NRXN3: variants seen among roughly 807,000 people sequenced by gnomAD.
NRXN3 encodes the protein neurexin 3.
NRXN3 carries 32 observed loss-of-function variants against 137.6 expected under a neutral mutation model. The observed-to-expected ratio is 0.23, with a 90% CI of 0.18 to 0.31. NRXN3 has a LOEUF of 0.31. Among genes scored for constraint, NRXN3 ranks in the 10% least tolerant of loss-of-function variants. The probability of loss-of-function intolerance (pLI) is 1.00; values close to 1 mark genes in which losing one functional copy is unlikely to be tolerated. For synonymous variants in NRXN3, 798 were observed against 784.5 expected (o/e 1.02, Z -0.29); for missense variants, 1,574 against 2,062.5 (o/e 0.76, Z 4.59).
intron 4 of NRXN3, among the ~76,000 whole-genome samples, chr14:78,517,455 G>T (rs1295406016): frequency 3.3e-5 from 5 of 152,068 alleles, no homozygotes. Context: ...TACAGAGATG[G>T]ATTTTTAAGT....
chr14:79,660,585 G>A (rs186729755), intron 16 of NRXN3, among the ~76,000 whole-genome samples: 110 of 152,200 alleles, frequency 7.2e-4, no homozygotes, highest in Non-Finnish European at 1.2e-3. Context: ...CAGAAAATCT[G>A]CCCAAGAATA....
At chr14:78,188,561 T>C (rs1007874243) in intron 1 of NRXN3, among the ~76,000 whole-genome samples, 13 of 152,182 alleles carry the variant, frequency 8.5e-5, no homozygotes, top group African/African-American at 2.9e-4. Context: ...ATTGCAGATC[T>C]TGTAAGTAGG....
At chr14:78,820,759 G>A (rs215946) in intron 10 of NRXN3, among the ~76,000 whole-genome samples, 143,512 of 152,214 alleles carry the variant, frequency 0.94, 67,948 homozygotes, top group Non-Finnish European at 0.99. Context: ...AATAATCTAA[G>A]TGTCCTTCCT....
In NRXN3 at chr14:79,189,215, T is replaced by C. The variant is rs1374399459; in HGVS notation, c.3262+201074T>C. On this transcript the variant is annotated intron_variant, in intron 15 of 20. Transcript: ENST00000335750. ...TGGAATACTATGCAGCCATAAAAAA[T>C]GATGAGTTCACGTCCTTTGTAGGGA... Among the ~76,000 whole-genome samples the C allele has an allele frequency of 5.3e-5, 8 of 152,030 alleles. No individual in the cohort carries two copies. The South Asian group carries it at 1.2e-3, about 24-fold the overall frequency.
chr14:79,361,082 G>C (rs1489805507), intron 15 of NRXN3, among the ~76,000 whole-genome samples: 3 of 152,144 alleles, frequency 2.0e-5, no homozygotes, highest in African/African-American at 7.2e-5. Context: ...TTCTCTGAAG[G>C]GTAATTCGAG....
intron 16 of NRXN3, among the ~76,000 whole-genome samples, chr14:79,496,961 A>T (rs1279861492): frequency 6.6e-6 from 1 of 152,172 alleles, no homozygotes. Flanking sequence ...TGCGGGTATT[A>T]ATCCATTTAC....
intron 15 of NRXN3, among the ~76,000 whole-genome samples, chr14:79,173,961 C>T (rs1366684757): frequency 2.0e-5 from 3 of 152,170 alleles, no homozygotes; most frequent in Non-Finnish European, 4.4e-5. Flanking sequence ...GAAGTCTCTT[C>T]TAGTAAATTA....
At position 78,659,312 on chromosome 14, in the gene NRXN3, C is replaced by A. The variant is rs573199764; in HGVS notation, c.1221+7986C>A. Among the ~76,000 whole-genome samples, 25 of 152,102 alleles carry A rather than the reference C, an allele frequency of 1.6e-4. No homozygotes were observed. The South Asian group carries it at 2.7e-3, about 16-fold the overall frequency. The stretch of plus-strand genomic sequence containing the variant: ...GAAAATAAGTTTCGGTAAAGTCAAC[C>A]AGTCTGTGGTATTTTGTTATGGCAG... On this transcript the variant is annotated intron_variant, in intron 6 of 20. Coordinates refer to ENST00000335750, the MANE Select transcript of NRXN3 (RefSeq NM_001330195.2).
chr14:78,304,347 T>C (rs2077155757), intron 4 of NRXN3, among the ~76,000 whole-genome samples: 1 of 152,226 alleles, frequency 6.6e-6, no homozygotes, highest in Non-Finnish European at 1.5e-5. Flanking sequence ...GTCATTCTTT[T>C]AAAGCTGAAT....
At chr14:78,887,186 A>G (rs148780033) in intron 10 of NRXN3, among the ~76,000 whole-genome samples, 2 of 152,216 alleles carry the variant, frequency 1.3e-5, no homozygotes, top group East Asian at 3.9e-4. Context: ...CATCAGCCCT[A>G]TTAGATATTT....
chr14:79,325,374 C>T (rs774240106), intron 15 of NRXN3, among the ~76,000 whole-genome samples: 17 of 152,116 alleles, frequency 1.1e-4, no homozygotes, highest in Non-Finnish European at 1.5e-4. Context: ...TGGCCACTCC[C>T]GATGCTACAT....
At chr14:78,421,261 CA>C (rs34046580) in intron 4 of NRXN3, among the ~76,000 whole-genome samples, 59,300 of 115,738 alleles carry the variant, frequency 0.51, 12,319 homozygotes, top group Middle Eastern at 0.65. Flanking sequence ...GACTCCATCT[CA>C]AAAAAAAAAA....
At chr14:78,529,370 T>C (rs1038180425) in intron 4 of NRXN3, among the ~76,000 whole-genome samples, 2 of 152,124 alleles carry the variant, frequency 1.3e-5, no homozygotes, top group African/African-American at 4.8e-5. Flanking sequence ...TGGGTGTAAA[T>C]GGTGGCAACT....
At chr14:79,141,793 A>G (rs1431365120) in intron 15 of NRXN3, among the ~76,000 whole-genome samples, 1 of 152,206 alleles carries the variant, frequency 6.6e-6, no homozygotes, top group Non-Finnish European at 1.5e-5. Flanking sequence ...AAAAATTATA[A>G]ACACATTTTA....
intron 4 of NRXN3, among the ~76,000 whole-genome samples, chr14:78,505,405 G>A (rs2095967918): frequency 6.6e-6 from 1 of 152,106 alleles, no homozygotes; most frequent in African/African-American, 2.4e-5. Context: ...GCTTACAGGG[G>A]CTTGGAGCAT....
intron 8 of NRXN3, among the ~76,000 whole-genome samples, chr14:78,750,105 G>A (rs774454762): frequency 1.3e-5 from 2 of 152,178 alleles, no homozygotes; most frequent in Non-Finnish European, 2.9e-5. Context: ...TCTAGCTTCC[G>A]CTAATACCAA....
chr14:78,602,735 G>A (rs1213909810), intron 4 of NRXN3, among the ~76,000 whole-genome samples: 2 of 152,174 alleles, frequency 1.3e-5, no homozygotes, highest in Non-Finnish European at 2.9e-5. Flanking sequence ...GGCCCATGAG[G>A]GCAGAGAGTG....
chr14:79,608,518 TCA>T (rs1445937594), intron 16 of NRXN3, among the ~76,000 whole-genome samples: 14 of 152,180 alleles, frequency 9.2e-5, no homozygotes, highest in Admixed American at 9.2e-4. Context: ...CTGCTGCCCC[TCA>T]GTTTCACTGT....
At chr14:78,800,244 CT>C (rs2098834707) in intron 8 of NRXN3, among the ~76,000 whole-genome samples, 1 of 152,140 alleles carries the variant, frequency 6.6e-6, no homozygotes, top group Admixed American at 6.5e-5. Context: ...CTGCATGCAA[CT>C]CCCAGTTCTG....
Sources: allele counts gnomAD v4.1 joint callset (sites outside exome capture counted in the v4.1 genomes callset), GRCh38; gene constraint gnomAD v4.1.1; transcripts MANE v1.5; gene names NCBI Gene and HGNC (gene_info 2026-07-23, HGNC 2026-07-21).